Variants in SHISA9 observed in about 807,000 individuals in gnomAD.
SHISA9 encodes protein shisa-9.
Under a neutral mutation model 38.0 loss-of-function variants are expected in SHISA9, and 13 were observed. The observed-to-expected ratio is 0.34, with a 90% CI of 0.22 to 0.54. SHISA9 has a LOEUF of 0.54. Ranked by LOEUF, SHISA9 falls within the 20% of genes least tolerant of loss-of-function variation. The probability of loss-of-function intolerance (pLI) is 0.91; values close to 1 mark genes in which losing one functional copy is unlikely to be tolerated. For synonymous variants in SHISA9, 275 were observed against 242.0 expected, an observed-to-expected ratio of 1.14 and a Z score of -1.27; for missense variants, 538 against 575.8, an observed-to-expected ratio of 0.93 and a Z score of 0.67.
chr16:13,472,377 A>AT, the SHISA9 span, among the ~76,000 whole-genome samples: 6,364 of 55,418 alleles, frequency 0.11, 1,592 homozygotes, highest in Non-Finnish European at 0.13. Flanking sequence ...GCTCTGCTAA[A>AT]TTTTTTTTTT....
chr16:12,974,479 GT>G (rs58309847), intron 2 of SHISA9, among the ~76,000 whole-genome samples: 1,737 of 91,708 alleles, frequency 0.019, 29 homozygotes, highest in African/African-American at 0.052. Flanking sequence ...ATTTCTGGTG[GT>G]TTTTTTTTTT....
intron 2 of SHISA9, among the ~76,000 whole-genome samples, chr16:13,181,482 G>A (rs746334600): frequency 1.2e-4 from 18 of 151,824 alleles, no homozygotes; most frequent in Non-Finnish European, 2.1e-4. Flanking sequence ...GGGGGATAGA[G>A]ATCAATGGGA....
intron 2 of SHISA9, among the ~76,000 whole-genome samples, chr16:13,189,645 C>A (rs988500839): frequency 1.3e-5 from 2 of 152,094 alleles, no homozygotes; most frequent in Non-Finnish European, 2.9e-5. Flanking sequence ...GGAGAGAGAA[C>A]GATGTGGAAG....
chr16:13,448,820 C>A, the SHISA9 span, among the ~76,000 whole-genome samples: 1 of 152,174 alleles, frequency 6.6e-6, no homozygotes, highest in Non-Finnish European at 1.5e-5. Context: ...GCACTCAATG[C>A]CAGTAAGTGT....
At chr16:12,926,182 G>A (rs1217600957) in intron 2 of SHISA9, among the ~76,000 whole-genome samples, 1 of 152,156 alleles carries the variant, frequency 6.6e-6, no homozygotes, top group Non-Finnish European at 1.5e-5. Context: ...CATGAACTAT[G>A]TCTACCTGGC....
chr16:13,119,196 G>A (rs2074061796), intron 2 of SHISA9, among the ~76,000 whole-genome samples: 1 of 152,118 alleles, frequency 6.6e-6, no homozygotes, highest in Admixed American at 6.5e-5. Context: ...TCTCATTTAA[G>A]CTTCTCCCTC....
At chr16:13,416,571 G>C in the SHISA9 span, among the ~76,000 whole-genome samples, 2 of 152,120 alleles carry the variant, frequency 1.3e-5, no homozygotes, top group Non-Finnish European at 2.9e-5. Context: ...GGTTAGCCAG[G>C]CACAATGGGG....
chr16:13,117,649 C>G (rs1278543646), intron 2 of SHISA9, among the ~76,000 whole-genome samples: 2 of 152,174 alleles, frequency 1.3e-5, no homozygotes, highest in African/African-American at 4.8e-5. Context: ...CCACCAGAAG[C>G]TGGAGGAGAC....
the SHISA9 span, among the ~76,000 whole-genome samples, chr16:13,545,326 CA>C: frequency 1.3e-5 from 2 of 152,248 alleles, no homozygotes; most frequent in Admixed American, 1.3e-4. Context: ...TCCCTTTAAA[CA>C]AGATCAAAAA....
intron 2 of SHISA9, among the ~76,000 whole-genome samples, chr16:13,047,842 G>C (rs1243409625): frequency 6.6e-6 from 1 of 152,112 alleles, no homozygotes; most frequent in Non-Finnish European, 1.5e-5. Context: ...ACCTTACGTT[G>C]AGTGCTTACA....
At chr16:13,358,469 T>C in the SHISA9 span, among the ~76,000 whole-genome samples, 1 of 152,188 alleles carries the variant, frequency 6.6e-6, no homozygotes, top group Non-Finnish European at 1.5e-5. Context: ...ATCAGCTACC[T>C]AATCTGTTAC....
At chr16:13,397,141 C>T in the SHISA9 span, among the ~76,000 whole-genome samples, 1 of 152,174 alleles carries the variant, frequency 6.6e-6, no homozygotes, top group African/African-American at 2.4e-5. Context: ...TGTAAGAATA[C>T]AGTATATAAT....
chr16:13,099,988 C>T (rs923975876), intron 2 of SHISA9, among the ~76,000 whole-genome samples: 5 of 152,186 alleles, frequency 3.3e-5, no homozygotes, highest in Non-Finnish European at 7.3e-5. Context: ...CAGACACCGA[C>T]AGGAGCCAGG....
intron 2 of SHISA9, among the ~76,000 whole-genome samples, chr16:13,014,634 C>G (rs1052391241): frequency 6.6e-6 from 1 of 151,800 alleles, no homozygotes; most frequent in African/African-American, 2.4e-5. Flanking sequence ...TCTCGGGTTA[C>G]TGCTTTGCAC....
chr16:13,332,579 T>C, the SHISA9 span: 1 of 152,138 alleles, frequency 6.6e-6, no homozygotes, highest in Admixed American at 6.5e-5. Context: ...GGATGTTTTT[T>C]CCCCAAACAA....
At chr16:13,167,671 C>T (rs984124028) in intron 2 of SHISA9, among the ~76,000 whole-genome samples, 33 of 152,052 alleles carry the variant, frequency 2.2e-4, no homozygotes, top group Non-Finnish European at 2.9e-4. Flanking sequence ...GTAGCACCTT[C>T]CCCCCTTCTC....
chr16:13,480,381 G>A, the SHISA9 span, among the ~76,000 whole-genome samples: 2 of 152,034 alleles, frequency 1.3e-5, no homozygotes, highest in Non-Finnish European at 2.9e-5. Context: ...TCCAGGCCTC[G>A]GTCACTCTTG....
intron 2 of SHISA9, among the ~76,000 whole-genome samples, chr16:13,134,071 G>A (rs1467424235): frequency 6.6e-6 from 1 of 152,098 alleles, no homozygotes; most frequent in Non-Finnish European, 1.5e-5. Flanking sequence ...TGTCCACTAG[G>A]TGTAAGAAAC....
Position 13,217,808 on chromosome 16 carries a change from T to C in SHISA9, c.895+4508T>C, listed in dbSNP as rs624629. On this transcript the variant is annotated intron_variant, in intron 4 of 4. Coordinates refer to ENST00000558583, the MANE Select transcript of SHISA9 (RefSeq NM_001145204.3). ...ACTTTGGGAGGCCGAGGTGAGCAGA[T>C]CACTTGAGGTAAGGAGTTCGAGACC... Among the ~76,000 whole-genome samples, 631 of 152,226 alleles carry C rather than the reference T, an allele frequency of 4.1e-3. 3 individuals carry two copies. Among genetic ancestry groups the C allele is most frequent in the Non-Finnish European group, 5.6e-3 (379 of 68,024 alleles).
Sources: allele counts gnomAD v4.1 joint callset (sites outside exome capture counted in the v4.1 genomes callset), GRCh38; gene constraint gnomAD v4.1.1; transcripts MANE v1.5; gene names NCBI Gene and HGNC (gene_info 2026-07-23, HGNC 2026-07-21).